Variants in CSRNP3 observed in about 807,000 individuals in gnomAD.
The protein encoded by CSRNP3 is cysteine and serine rich nuclear protein 3.
CSRNP3 carries 12 observed loss-of-function variants against 48.0 expected under a neutral mutation model. The ratio of observed to expected loss-of-function variants is 0.25; its 90% CI spans 0.16 to 0.41. The LOEUF is 0.41. Among genes scored for constraint, CSRNP3 ranks in the 10% least tolerant of loss-of-function variants. CSRNP3 has a pLI of 1.00. For synonymous variants in CSRNP3, 263 were observed against 269.7 expected (o/e 0.98, Z 0.24); for missense variants, 580 against 724.4 (o/e 0.80, Z 2.29).
At chr2:165,482,115 C>A (rs924516604) in intron 1 of CSRNP3, among the ~76,000 whole-genome samples, 7 of 152,058 alleles carry the variant, frequency 4.6e-5, no homozygotes, top group Non-Finnish European at 8.8e-5. Context: ...AAAATAGCTA[C>A]TATTAGCCCC....
chr2:165,666,988 A>AAAGAGAGAGGAAGGAAGGAAGGAAAGAGG (rs1361429907), intron 5 of CSRNP3, among the ~76,000 whole-genome samples: 1 of 88,746 alleles, frequency 1.1e-5, no homozygotes, highest in Non-Finnish European at 2.7e-5. Context: ...AGAGAGGAAG[A>AAAGAGAGAGGAAGGAAGGAAGGAAAGAGG]AAGAAAGAGA....
chr2:165,598,562 T>G (rs973573877), intron 4 of CSRNP3, among the ~76,000 whole-genome samples: 2 of 152,196 alleles, frequency 1.3e-5, no homozygotes, highest in Admixed American at 6.5e-5. Flanking sequence ...TGAAATGGCC[T>G]GGTGAGCTAA....
chr2:165,489,110 G>A (rs1684164518), intron 1 of CSRNP3, among the ~76,000 whole-genome samples: 1 of 149,194 alleles, frequency 6.7e-6, no homozygotes, highest in Non-Finnish European at 1.5e-5. Context: ...AATGATAAAG[G>A]GGATATCACC....
In CSRNP3 at chr2:165,676,526, C is replaced by T; in HGVS notation, c.623C>T (p.Ser208Leu). ...EKHELRAIRL[S>L]REDCGCDCRV... ...CACGAACTCCGAGCCATCCGCCTCT[C>T]ACGAGAGGACTGTGGCTGTGACTGC... Residue 208 changes from serine (S) to leucine (L), a missense_variant, in exon 6 of 7, where the codon TCA (serine) becomes TTA (leucine). Physicochemically the swap from Ser to Leu is moderately radical, Grantham distance 145. This residue lies in a region of CSRNP3 where 66 missense variants were observed against 137.6 expected (regional missense o/e 0.48). Transcript: ENST00000651982. 3 of 1,614,138 alleles carry T rather than the reference C, an allele frequency of 1.9e-6. No homozygotes were observed. The highest frequency in any genetic ancestry group is 2.5e-6 in the Non-Finnish European group (3 of 1,179,986).
chr2:165,678,415 GA>G (rs34408062), intron 6 of CSRNP3, among the ~76,000 whole-genome samples: 5 of 151,860 alleles, frequency 3.3e-5, no homozygotes, highest in Non-Finnish European at 7.4e-5. Flanking sequence ...AGGGAATACA[GA>G]AAAAAGGGTA....
intron 1 of CSRNP3, among the ~76,000 whole-genome samples, chr2:165,482,929 A>G (rs1684067072): frequency 6.6e-6 from 1 of 152,074 alleles, no homozygotes; most frequent in Admixed American, 6.5e-5. Context: ...AGGTTTTGCC[A>G]GTTAACCTCC....
chr2:165,518,499 T>G (rs1684609450), intron 3 of CSRNP3, among the ~76,000 whole-genome samples: 2 of 151,982 alleles, frequency 1.3e-5, no homozygotes, highest in African/African-American at 4.8e-5. Flanking sequence ...ATCTTGGGAA[T>G]CTTTTCTAAG....
intron 1 of CSRNP3, among the ~76,000 whole-genome samples, chr2:165,470,719 C>T (rs1445302709): frequency 6.6e-6 from 1 of 151,940 alleles, no homozygotes; most frequent in Non-Finnish European, 1.5e-5. Context: ...AACTCCCAGT[C>T]ACTTAATTCT....
chr2:165,650,117 A>G (rs934767163), intron 4 of CSRNP3, among the ~76,000 whole-genome samples: 7 of 152,166 alleles, frequency 4.6e-5, no homozygotes, highest in African/African-American at 1.2e-4. Flanking sequence ...TTCACCCACG[A>G]TACTTCTTTA....
At chr2:165,649,942 GT>G (rs561623021) in intron 4 of CSRNP3, among the ~76,000 whole-genome samples, 19 of 151,704 alleles carry the variant, frequency 1.3e-4, no homozygotes, top group Admixed American at 4.6e-4. Flanking sequence ...TTTAAGGTGG[GT>G]TTTTTTTCTT....
intron 4 of CSRNP3, among the ~76,000 whole-genome samples, chr2:165,626,494 C>G (rs919017827): frequency 1.3e-5 from 2 of 152,174 alleles, no homozygotes; most frequent in Admixed American, 1.3e-4. Flanking sequence ...CACCTTATTT[C>G]CCCCTTCAAA....
intron 2 of CSRNP3, among the ~76,000 whole-genome samples, chr2:165,496,392 A>G (rs1175911802): frequency 6.6e-6 from 1 of 152,000 alleles, no homozygotes; most frequent in East Asian, 1.9e-4. Context: ...TGGCACTGAT[A>G]TTGCCTTTCC....
At chr2:165,552,316 A>G (rs1289596847) in intron 3 of CSRNP3, among the ~76,000 whole-genome samples, 2 of 152,236 alleles carry the variant, frequency 1.3e-5, no homozygotes, top group Non-Finnish European at 2.9e-5. Flanking sequence ...CTCTTAAGCC[A>G]CCCACTTGAG....
chr2:165,641,863 T>C (rs527743765), intron 4 of CSRNP3, among the ~76,000 whole-genome samples: 8 of 152,280 alleles, frequency 5.3e-5, no homozygotes, highest in African/African-American at 1.9e-4. Context: ...GTATAAGCAT[T>C]CTTCTGCTCT....
chr2:165,598,772 G>C (rs1685851879), intron 4 of CSRNP3, among the ~76,000 whole-genome samples: 5 of 152,084 alleles, frequency 3.3e-5, no homozygotes, highest in Admixed American at 2.0e-4. Flanking sequence ...ATATAATCTG[G>C]CAGAGATTTT....
chr2:165,582,433 GT>G (rs1685563966), intron 3 of CSRNP3, among the ~76,000 whole-genome samples: 1 of 152,190 alleles, frequency 6.6e-6, no homozygotes, highest in Non-Finnish European at 1.5e-5. Flanking sequence ...GATGAGGCCA[GT>G]TTTGGGTGGT....
chr2:165,482,405 A>G (rs544990391), intron 1 of CSRNP3, among the ~76,000 whole-genome samples: 4 of 152,104 alleles, frequency 2.6e-5, no homozygotes, highest in Admixed American at 2.6e-4. Context: ...CTGGGACTAC[A>G]GGCACGCCCC....
rs73969294 is a variant in CSRNP3 at position 165,539,788 on chromosome 2, G to T, written c.-24+21827G>T. Among the ~76,000 whole-genome samples, 1,085 of 152,160 alleles carry T rather than the reference G, an allele frequency of 7.1e-3. 12 individuals are homozygous for T. The highest frequency in any genetic ancestry group is 0.025 in the African/African-American group (1,045 of 41,534). On this transcript the variant is annotated intron_variant, in intron 3 of 6. Coordinates refer to ENST00000651982, the MANE Select transcript of CSRNP3 (RefSeq NM_001172173.2). ...AACAGTAATAATCGCTGGTATAAAA[G>T]TGGTGTAAATTTTCAGAATTAATTT...
intron 4 of CSRNP3, among the ~76,000 whole-genome samples, chr2:165,642,139 C>G (rs183225772): frequency 1.4e-5 from 2 of 146,872 alleles, no homozygotes; most frequent in Admixed American, 6.8e-5. Flanking sequence ...CACACACACA[C>G]ACACACACGG....
Sources: gnomAD v4.1 joint callset for allele counts (sites outside exome capture counted in the v4.1 genomes callset) on GRCh38, gnomAD v4.1.1 for gene constraint, gnomAD v4.1.1 regional missense constraint, MANE v1.5 for transcripts, NCBI Gene and HGNC (gene_info 2026-07-23, HGNC 2026-07-21) for gene names.